Variants in ESR2 observed in about 807,000 individuals in gnomAD.
ESR2 encodes estrogen receptor 2, also known as estrogen receptor beta.
Under a neutral mutation model 49.6 loss-of-function variants are expected in ESR2, and 36 were observed. The ratio of observed to expected loss-of-function variants is 0.73; its 90% confidence interval spans 0.56 to 0.96. The LOEUF is 0.96. Among genes scored for constraint, ESR2 ranks in the 40% least tolerant of loss-of-function variants. ESR2 has a pLI of 0.00. For missense variants in ESR2, 714 were observed against 693.0 expected (o/e 1.03, Z -0.34); for synonymous variants, 320 against 266.1 (o/e 1.20, Z -1.97).
chr14:64,325,676 C>T (rs968019597), intron 1 of ESR2, among the ~76,000 whole-genome samples: 19 of 152,058 alleles, frequency 1.2e-4, no homozygotes, highest in Non-Finnish European at 2.4e-4. Flanking sequence ...TCTGCTACCC[C>T]GGAGACAGCA....
chr14:64,282,654 C>A lies in ESR2; in HGVS notation c.332G>T (p.Arg111Ile). 1 of 1,608,892 alleles carries A rather than the reference C, an allele frequency of 6.2e-7. No homozygotes were observed. Among genetic ancestry groups the A allele is most frequent in the Non-Finnish European group, 8.5e-7 (1 of 1,175,504 alleles). ...TACAGGTAAGGTGTGTTCTAGCGAT[C>A]TTGCTTCACACCAGGGACTCTTTTG... ...EPQKSPWCEA[R>I]SLEHTLPVNR... Residue 111 changes from arginine (R) to isoleucine (I), a missense_variant, in exon 2 of 9, where the codon AGA (arginine) becomes ATA (isoleucine). Transcript: ENST00000341099.
intron 1 of ESR2, among the ~76,000 whole-genome samples, chr14:64,322,880 A>C (rs902441412): frequency 6.6e-6 from 1 of 152,246 alleles, no homozygotes; most frequent in African/African-American, 2.4e-5. Context: ...GGAAATAATT[A>C]TATCATCCCT....
Position 64,282,855 on chromosome 14 carries a change from G to A in ESR2, c.131C>T (p.Pro44Leu), listed in dbSNP as rs1241458487. 3 of 1,614,088 alleles carry A rather than the reference G, an allele frequency of 1.9e-6. No individual in the cohort carries two copies. The highest frequency in any genetic ancestry group is 2.5e-6 in the Non-Finnish European group (3 of 1,180,038). The change falls in exon 2 of 9, where the codon CCA becomes CTA. Residue 44 changes from proline to leucine, a missense_variant. By Grantham distance (98) the Pro-to-Leu change is moderately conservative. Transcript: ENST00000341099. ...AGCAGGGCTATAGAATGTCATGGCT[G>A]GATATTCATGGTGGCTGTCTACATA... ...SSYVDSHHEY[P>L]AMTFYSPAVM... is the part of the protein sequence containing the mutation.
intron 1 of ESR2, among the ~76,000 whole-genome samples, chr14:64,322,511 C>G (rs1201463296): frequency 9.5e-6 from 1 of 104,954 alleles, no homozygotes; most frequent in Non-Finnish European, 1.9e-5. Context: ...CTTATCTCCA[C>G]AGAAAGGAAA....
chr14:64,265,959 G>A (rs750924173), intron 4 of ESR2, among the ~76,000 whole-genome samples: 19 of 152,198 alleles, frequency 1.2e-4, no homozygotes, highest in Non-Finnish European at 1.6e-4. Context: ...AAAGGAGAGA[G>A]ACAGAGTTAA....
intron 1 of ESR2, among the ~76,000 whole-genome samples, chr14:64,333,621 T>C (rs766062876): frequency 1.3e-5 from 2 of 152,138 alleles, no homozygotes; most frequent in Non-Finnish European, 2.9e-5. Flanking sequence ...GAAACATACA[T>C]CTTACATGGC....
intron 1 of ESR2, among the ~76,000 whole-genome samples, chr14:64,288,926 C>T (rs1366261957): frequency 7.0e-6 from 1 of 142,342 alleles, no homozygotes; most frequent in African/African-American, 2.6e-5. Flanking sequence ...GTGGAGGTTG[C>T]GGTGAGCCGA....
At chr14:64,299,424 G>A (rs1378556931) in intron 1 of ESR2, among the ~76,000 whole-genome samples, 25 of 142,958 alleles carry the variant, frequency 1.7e-4, no homozygotes, top group Admixed American at 2.2e-4. Context: ...TTTTTGAGAC[G>A]GAGTCTCGCT....
At position 64,232,819 on chromosome 14, in the gene ESR2, A is replaced by G. The variant is rs1055915981; in HGVS notation, c.*318T>C. On this transcript the variant is annotated 3_prime_UTR_variant, in exon 9 of 9. Coordinates refer to ENST00000341099, the MANE Select transcript of ESR2 (RefSeq NM_001437.3). The stretch of plus-strand genomic sequence containing the variant: ...CTTCCAAGTCAGATTTCCACCATTC[A>G]TTCCAAAACCTTTAAGATGTTTCAC... 3 of 257,848 alleles carry G rather than the reference A, an allele frequency of 1.2e-5. No individual in the cohort carries two copies. The highest frequency in any genetic ancestry group is 7.8e-5 in the East Asian group (1 of 12,788). The allele number at this position is 257,848 out of a possible 1,614,324, so 16.0% of individuals were successfully genotyped here.
intron 5 of ESR2, 100 bp from the exon 6 acceptor site, chr14:64,257,464 C>A (rs549098371): frequency 7.0e-6 from 10 of 1,428,054 alleles, no homozygotes; most frequent in South Asian, 2.7e-5. Context: ...TAAGAAAACA[C>A]AAACCATTAG....
downstream of ESR2, chr14:64,228,178 C>T: frequency 3.0e-6 from 2 of 671,456 alleles, no homozygotes; most frequent in Non-Finnish European, 4.4e-6. Context: ...TTCAGGTGCC[C>T]TTTCCCAGGA....
intron 1 of ESR2, among the ~76,000 whole-genome samples, chr14:64,322,125 C>T (rs2077331481): frequency 6.6e-6 from 1 of 152,152 alleles, no homozygotes; most frequent in Admixed American, 6.5e-5. Context: ...ATAGCATGAT[C>T]TCAGCTCACT....
At chr14:64,227,003 C>G (rs758694599), downstream of ESR2, 1 of 153,618 alleles carries the variant, frequency 6.5e-6, no homozygotes, top group African/African-American at 2.4e-5. Flanking sequence ...CCAGCCCTCT[C>G]CATGGCAAAT....
chr14:64,274,976 G>GT (rs950968656), intron 3 of ESR2, among the ~76,000 whole-genome samples: 64 of 152,056 alleles, frequency 4.2e-4, no homozygotes, highest in Non-Finnish European at 7.6e-4. Flanking sequence ...TTTGATTCCA[G>GT]TTTTTTTGAA....
intron 4 of ESR2, among the ~76,000 whole-genome samples, chr14:64,264,136 A>G (rs954375383): frequency 2.0e-5 from 3 of 152,230 alleles, no homozygotes; most frequent in Non-Finnish European, 2.9e-5. Flanking sequence ...AAGAAACCCT[A>G]AAAGTTGAAA....
intron 3 of ESR2, among the ~76,000 whole-genome samples, chr14:64,275,032 G>T (rs1342124907): frequency 6.6e-6 from 1 of 152,170 alleles, no homozygotes; most frequent in Admixed American, 6.5e-5. Flanking sequence ...ATATCCTTCA[G>T]AATGATCCAT....
chr14:64,295,100 G>A (rs999315710), upstream of ESR2, among the ~76,000 whole-genome samples: 99 of 152,344 alleles, frequency 6.5e-4, no homozygotes, highest in African/African-American at 2.2e-3. Context: ...GGAGCCCCAG[G>A]GTGCGAGACT....
At chr14:64,290,393 CTTATTTAT>C (rs35006597) in intron 1 of ESR2, among the ~76,000 whole-genome samples, 18 of 150,796 alleles carry the variant, frequency 1.2e-4, no homozygotes, top group East Asian at 3.9e-4. Flanking sequence ...TAAATGTATT[CTTATTTAT>C]TTATTTATTT....
At chr14:64,268,068 A>G (rs1355080073) in intron 4 of ESR2, among the ~76,000 whole-genome samples, 2 of 152,208 alleles carry the variant, frequency 1.3e-5, no homozygotes, top group Non-Finnish European at 2.9e-5. Context: ...CAAGTGAACC[A>G]AAATCTAGCC....
Sources: allele counts gnomAD v4.1 joint callset (sites outside exome capture counted in the v4.1 genomes callset), GRCh38; gene constraint gnomAD v4.1.1; transcripts MANE v1.5; gene names NCBI Gene and HGNC (gene_info 2026-07-23, HGNC 2026-07-21).